The following VANGL2 variants were observed in gnomAD, a reference collection of about 807,000 sequenced individuals.
VANGL2 encodes the protein VANGL planar cell polarity protein 2.
In VANGL2, 14 loss-of-function variants were observed where a neutral mutation model predicts 50.2. That is an observed-to-expected ratio of 0.28 (90% confidence interval 0.18 to 0.44). VANGL2 has a LOEUF of 0.44. Ranked by LOEUF, VANGL2 falls within the 20% of genes least tolerant of loss-of-function variation. The probability of loss-of-function intolerance (pLI) is 1.00; values close to 1 mark genes in which losing one functional copy is unlikely to be tolerated. For missense variants in VANGL2, 533 were observed against 701.5 expected (o/e 0.76, Z 2.71); for synonymous variants, 295 against 297.2 (o/e 0.99, Z 0.08).
At chr1:160,413,371 C>T (rs903014159) in intron 1 of VANGL2, among the ~76,000 whole-genome samples, 2 of 151,466 alleles carry the variant, frequency 1.3e-5, no homozygotes, top group Non-Finnish European at 2.9e-5. Context: ...ACCTCCACCT[C>T]CCAGGTTCAA....
At chr1:160,410,409 T>C (rs1650835980) in intron 1 of VANGL2, among the ~76,000 whole-genome samples, 1 of 152,044 alleles carries the variant, frequency 6.6e-6, no homozygotes, top group African/African-American at 2.4e-5. Flanking sequence ...CCCAGCCCCG[T>C]CTGCATCTAT....
rs1159283473 is a variant in VANGL2 at position 160,425,629 on chromosome 1, T to C, written c.*251T>C. 1.8e-5 allele frequency: 9 copies of C among 497,762 alleles called. No individual in the cohort carries two copies. Among genetic ancestry groups the C allele is most frequent in the Non-Finnish European group, 2.9e-5 (8 of 279,954 alleles). 30.8% of individuals were successfully genotyped at this position (497,762 alleles called of 1,614,324 possible). On this transcript the variant is annotated 3_prime_UTR_variant, in exon 8 of 8. Transcript: ENST00000368061. ...ACCTCACCAACAACTTTTGTATTAC[T>C]CTAGGCCCTGCAGGAATCAGTGCCT...
chr1:160,422,640 C>A (rs1651312824), intron 6 of VANGL2, among the ~76,000 whole-genome samples: 1 of 152,094 alleles, frequency 6.6e-6, no homozygotes, highest in Non-Finnish European at 1.5e-5. Context: ...GGCCAGGGGG[C>A]TTTTATTTTG....
chr1:160,404,553 C>T (rs188807862), intron 1 of VANGL2, among the ~76,000 whole-genome samples: 1 of 152,284 alleles, frequency 6.6e-6, no homozygotes, highest in Admixed American at 6.5e-5. Context: ...ACCCATTACA[C>T]AATTGTCGCC....
chr1:160,415,314 G>A (rs79207912), intron 1 of VANGL2, among the ~76,000 whole-genome samples: 6,657 of 152,246 alleles, frequency 0.044, 212 homozygotes, highest in Non-Finnish European at 0.065. Flanking sequence ...TTCATGCCTC[G>A]GTTTCCCTGG....
intron 3 of VANGL2, 70 bp downstream of exon 3, chr1:160,416,252 CG>C: frequency 6.2e-7 from 1 of 1,610,880 alleles, no homozygotes; most frequent in African/African-American, 1.3e-5. Context: ...GGAGGCTCCA[CG>C]GAGTGGGGGA....
intron 1 of VANGL2, among the ~76,000 whole-genome samples, chr1:160,403,103 AGGAACGG>A (rs1370890269): frequency 2.0e-5 from 3 of 151,560 alleles, no homozygotes; most frequent in Admixed American, 1.3e-4. Context: ...TGTTTGAACG[AGGAACGG>A]GGAACGGGGC....
intron 1 of VANGL2, among the ~76,000 whole-genome samples, chr1:160,409,445 A>G (rs1209172921): frequency 5.3e-5 from 8 of 152,020 alleles, no homozygotes; most frequent in Non-Finnish European, 1.2e-4. Context: ...TCCTGAAGGG[A>G]AAAGGGAAAG....
intron 6 of VANGL2, among the ~76,000 whole-genome samples, chr1:160,423,229 G>T (rs1162790458): frequency 6.6e-6 from 1 of 151,980 alleles, no homozygotes; most frequent in Non-Finnish European, 1.5e-5. Context: ...TAATGTAAAT[G>T]GATTTTTTTT....
At chr1:160,405,674 T>G (rs1650633866) in intron 1 of VANGL2, among the ~76,000 whole-genome samples, 1 of 151,140 alleles carries the variant, frequency 6.6e-6, no homozygotes. Context: ...GTGGGAGGCT[T>G]GGGGCCTCCT....
intron 3 of VANGL2, among the ~76,000 whole-genome samples, chr1:160,418,091 G>A (rs1651125885): frequency 6.6e-6 from 1 of 151,900 alleles, no homozygotes; most frequent in Admixed American, 6.6e-5. Context: ...TTTTGTGTGT[G>A]TGTGTTTTTA....
chr1:160,406,853 C>A (rs560725206), intron 1 of VANGL2, among the ~76,000 whole-genome samples: 1 of 152,038 alleles, frequency 6.6e-6, no homozygotes, highest in African/African-American at 2.4e-5. Context: ...CTCAGCCTCC[C>A]GAATAGCTGG....
intron 1 of VANGL2, among the ~76,000 whole-genome samples, chr1:160,408,250 G>C (rs577512482): frequency 1.3e-5 from 2 of 152,216 alleles, no homozygotes; most frequent in Admixed American, 6.5e-5. Flanking sequence ...GGGCAGGCAG[G>C]AGTGATTCCA....
At chr1:160,406,189 G>A (rs1571235073) in intron 1 of VANGL2, among the ~76,000 whole-genome samples, 1 of 152,190 alleles carries the variant, frequency 6.6e-6, no homozygotes, top group African/African-American at 2.4e-5. Context: ...TACATAGCTC[G>A]TAAAAGGCTG....
In VANGL2 at chr1:160,425,523, TC is replaced by T. The variant is rs1182226149; in HGVS notation, c.*146del. ...CTTGAATTAACGCACCCCCACCTTC[TC>T]TCCTCGCTTCTTCCTTATTTTACCC... On this transcript the variant is annotated 3_prime_UTR_variant, in exon 8 of 8. Transcript: ENST00000368061. The T allele has an allele frequency of 1.3e-6, 1 of 755,856 alleles. No homozygotes were observed. The allele number at this position is 755,856 out of a possible 1,614,324, so 46.8% of individuals were successfully genotyped here. A position where few individuals can be genotyped will look rare whatever the true frequency, so the allele number is the denominator to read the frequency against.
intron 1 of VANGL2, among the ~76,000 whole-genome samples, chr1:160,412,292 G>A (rs1650906398): frequency 6.6e-6 from 1 of 151,902 alleles, no homozygotes; most frequent in Non-Finnish European, 1.5e-5. Context: ...GACAGCCTGG[G>A]ATCTAGTGTG....
At chr1:160,413,355 A>G (rs1163499016) in intron 1 of VANGL2, among the ~76,000 whole-genome samples, 1 of 149,592 alleles carries the variant, frequency 6.7e-6, no homozygotes, top group Non-Finnish European at 1.5e-5. Flanking sequence ...ATCTCGGCTC[A>G]CTGCAACCTC....
At position 160,417,433 on chromosome 1, in the gene VANGL2, C is replaced by T. The variant is rs1651100487; in HGVS notation, c.192+1251C>T. Among the ~76,000 whole-genome samples, 3 of 152,182 alleles carry T rather than the reference C, an allele frequency of 2.0e-5. No homozygotes were observed. The South Asian group carries it at 6.2e-4, about 31-fold the overall frequency. On this transcript the variant is annotated intron_variant, in intron 3 of 7. Transcript: ENST00000368061. ...ACTGCAGAGAAACAGCTTGAGCAGA[C>T]CACACTTAGAGGGACACCTGGGGAC...
At chr1:160,410,507 C>T (rs1186960555) in intron 1 of VANGL2, among the ~76,000 whole-genome samples, 1 of 152,082 alleles carries the variant, frequency 6.6e-6, no homozygotes, top group South Asian at 2.1e-4. Flanking sequence ...CAGGAGGTGG[C>T]GTCTGGAGCT....
Sources: allele counts gnomAD v4.1 joint callset (sites outside exome capture counted in the v4.1 genomes callset), GRCh38; gene constraint gnomAD v4.1.1; transcripts MANE v1.5; gene names NCBI Gene and HGNC (gene_info 2026-07-23, HGNC 2026-07-21).